The following DPP10 variants were observed in gnomAD, a reference collection of about 807,000 sequenced individuals.
The protein encoded by DPP10 is dipeptidyl peptidase like 10.
DPP10 carries 33 observed loss-of-function variants against 120.9 expected under a neutral mutation model. That is an observed-to-expected ratio of 0.27 (90% CI 0.21 to 0.37). The LOEUF is 0.37. Among genes scored for constraint, DPP10 ranks in the 10% least tolerant of loss-of-function variants. The pLI, the probability that DPP10 is intolerant of heterozygous loss-of-function variation, is 1.00. For missense variants in DPP10, 816 were observed against 942.8 expected, an observed-to-expected ratio of 0.87 and a Z score of 1.76; for synonymous variants, 337 against 326.1, an observed-to-expected ratio of 1.03 and a Z score of -0.36.
intron 4 of DPP10, among the ~76,000 whole-genome samples, chr2:115,522,459 G>T (rs575860644): frequency 6.6e-6 from 1 of 152,142 alleles, no homozygotes; most frequent in East Asian, 1.9e-4. Context: ...CATAAGATTC[G>T]CTTGAATGGA....
At chr2:115,161,959 G>T in intron 1 of DPP10, 1 of 1,434,404 alleles carries the variant, frequency 7.0e-7, no homozygotes, top group Non-Finnish European at 9.1e-7. Context: ...CGCCGGCGAT[G>T]ACGGCCGCGA....
intron 3 of DPP10, among the ~76,000 whole-genome samples, chr2:115,362,568 C>G (rs1208401395): frequency 6.6e-6 from 1 of 152,122 alleles, no homozygotes; most frequent in African/African-American, 2.4e-5. Flanking sequence ...TTCCCCATTT[C>G]TGCTAATGTT....
At position 114,641,612 on chromosome 2, in the gene DPP10, C is replaced by A. The variant is rs572639324; in HGVS notation, c.60+198774C>A. Among the ~76,000 whole-genome samples, 4 of 152,038 alleles carry A rather than the reference C, an allele frequency of 2.6e-5. No individual in the cohort carries two copies. In the South Asian group the frequency reaches 6.2e-4, roughly 24 times the overall value. ...GTCATTTAACTGATTTATAAGGATT[C>A]TTGGCCACAACTAAAGTATATTTTA... On this transcript the variant is annotated intron_variant, in intron 1 of 25. Transcript: ENST00000410059.
Position 115,549,950 on chromosome 2 carries a change from C to G in DPP10, c.441+23978C>G, listed in dbSNP as rs540122262. On this transcript the variant is annotated intron_variant, in intron 5 of 25. Transcript: ENST00000410059. ...AACTGCAATGCCCTTTTTCCCACATCACACACATTCCTGAGCCAAGTCACT... is the reference window on the plus strand; with the variant it reads ...AACTGCAATGCCCTTTTTCCCACATGACACACATTCCTGAGCCAAGTCACT... 2.6e-5 allele frequency among the ~76,000 whole-genome samples: 4 copies of G among 152,176 alleles called. No individual in the cohort carries two copies. The South Asian group carries it at 8.3e-4, about 32-fold the overall frequency.
intron 9 of DPP10, among the ~76,000 whole-genome samples, chr2:115,743,507 C>T (rs773607580): frequency 1.3e-5 from 2 of 152,094 alleles, no homozygotes; most frequent in African/African-American, 4.8e-5. Context: ...TTTAATTTCC[C>T]GCTTGCTTTA....
chr2:115,834,963 G>C (rs968750825), intron 21 of DPP10, among the ~76,000 whole-genome samples: 1 of 152,116 alleles, frequency 6.6e-6, no homozygotes, highest in East Asian at 1.9e-4. Context: ...GCGGGCGCCT[G>C]TGGTCCCAGC....
chr2:115,165,586 A>C (rs147560982), intron 1 of DPP10, among the ~76,000 whole-genome samples: 1 of 152,224 alleles, frequency 6.6e-6, no homozygotes, highest in African/African-American at 2.4e-5. Flanking sequence ...TCATAAATTT[A>C]TAGGAGCTTT....
At chr2:114,944,735 A>C (rs1697221760) in intron 1 of DPP10, among the ~76,000 whole-genome samples, 2 of 152,196 alleles carry the variant, frequency 1.3e-5, no homozygotes, top group Non-Finnish European at 2.9e-5. Flanking sequence ...TTAAGTCCTC[A>C]AAACAGCACT....
chr2:115,279,993 C>T (rs76119494), intron 1 of DPP10, among the ~76,000 whole-genome samples: 2,376 of 152,062 alleles, frequency 0.016, 56 homozygotes, highest in African/African-American at 0.054. Flanking sequence ...TTCTTTCCTA[C>T]ACTGTTATGC....
At chr2:115,209,225 T>G (rs773452635) in intron 1 of DPP10, among the ~76,000 whole-genome samples, 2 of 152,188 alleles carry the variant, frequency 1.3e-5, no homozygotes, top group African/African-American at 4.8e-5. Context: ...TACTGCTGTC[T>G]AAAACCTACT....
At chr2:114,821,365 T>C (rs771455288) in intron 1 of DPP10, among the ~76,000 whole-genome samples, 93 of 152,214 alleles carry the variant, frequency 6.1e-4, no homozygotes, top group Non-Finnish European at 1.8e-4. Context: ...ACTCAGTTTC[T>C]AATGGCTGGC....
intron 1 of DPP10, among the ~76,000 whole-genome samples, chr2:114,666,089 T>C (rs1301943621): frequency 6.6e-6 from 1 of 152,182 alleles, no homozygotes; most frequent in Non-Finnish European, 1.5e-5. Context: ...GTACTTACTT[T>C]ATATCTTCAG....
rs186054136 is a variant in DPP10 at position 115,123,975 on chromosome 2, C to A, written c.61-185264C>A. On this transcript the variant is annotated intron_variant, in intron 1 of 25. Coordinates refer to ENST00000410059, the MANE Select transcript of DPP10 (RefSeq NM_020868.6). ...CCTTTTTTTTTTTTTTAGACAAAGTCTCACTCTGTCACTCAGGCTGGAGTG... is the reference window on the plus strand; with the variant it reads ...CCTTTTTTTTTTTTTTAGACAAAGTATCACTCTGTCACTCAGGCTGGAGTG... Among the ~76,000 whole-genome samples the A allele has an allele frequency of 2.0e-5, 3 of 148,184 alleles. No homozygotes were observed. The Admixed American group carries it at 2.0e-4, about 10-fold the overall frequency.
At chr2:115,336,443 T>C (rs952985502) in intron 2 of DPP10, among the ~76,000 whole-genome samples, 1 of 152,028 alleles carries the variant, frequency 6.6e-6, no homozygotes, top group Admixed American at 6.6e-5. Context: ...CATATATTTA[T>C]TTGGATTTTT....
intron 1 of DPP10, among the ~76,000 whole-genome samples, chr2:114,813,094 T>A (rs1349515157): frequency 6.6e-6 from 1 of 152,208 alleles, no homozygotes. Context: ...CCCTACTACA[T>A]TTATCATAAT....
At chr2:114,616,874 C>T (rs1397473626) in intron 1 of DPP10, among the ~76,000 whole-genome samples, 2 of 151,992 alleles carry the variant, frequency 1.3e-5, no homozygotes, top group Non-Finnish European at 2.9e-5. Context: ...TATGTGACAA[C>T]CAGACACCAT....
At chr2:115,591,819 G>C (rs1360818367) in intron 5 of DPP10, among the ~76,000 whole-genome samples, 2 of 152,058 alleles carry the variant, frequency 1.3e-5, no homozygotes, top group Non-Finnish European at 2.9e-5. Context: ...TTTGTGTTCT[G>C]TTTTATTTTG....
At chr2:115,560,415 T>A (rs1261426538) in intron 5 of DPP10, among the ~76,000 whole-genome samples, 29 of 37,828 alleles carry the variant, frequency 7.7e-4, no homozygotes, top group African/African-American at 1.1e-3. Context: ...TATATATATA[T>A]ATATATATAT....
chr2:114,655,527 C>T (rs957466825), intron 1 of DPP10, among the ~76,000 whole-genome samples: 2 of 152,132 alleles, frequency 1.3e-5, no homozygotes, highest in African/African-American at 4.8e-5. Flanking sequence ...GCTCTTTTTA[C>T]TGGCAGGATA....
Sources: gnomAD v4.1 joint callset for allele counts (sites outside exome capture counted in the v4.1 genomes callset) on GRCh38, gnomAD v4.1.1 for gene constraint, MANE v1.5 for transcripts, NCBI Gene and HGNC (gene_info 2026-07-23, HGNC 2026-07-21) for gene names.